The following MYO18B variants were observed in gnomAD, a reference collection of about 807,000 sequenced individuals.
MYO18B encodes the protein unconventional myosin-XVIIIb.
MYO18B carries 204 observed loss-of-function variants against 273.0 expected under a neutral mutation model. The ratio of observed to expected loss-of-function variants is 0.75; its 90% CI spans 0.67 to 0.84. MYO18B has a LOEUF of 0.84. Ranked by LOEUF, MYO18B falls within the 40% of genes least tolerant of loss-of-function variation. The pLI is 0.00. For synonymous variants in MYO18B, 1,330 were observed against 1,305.7 expected (o/e 1.02, Z -0.40); for missense variants, 3,212 against 3,287.6 (o/e 0.98, Z 0.56).
intron 17 of MYO18B, among the ~76,000 whole-genome samples, chr22:25,841,686 A>G (rs2090086063): frequency 6.6e-6 from 1 of 152,184 alleles, no homozygotes; most frequent in Non-Finnish European, 1.5e-5. Flanking sequence ...GGGGCTTAGC[A>G]AACATCAACA....
intron 1 of MYO18B, among the ~76,000 whole-genome samples, chr22:25,753,220 G>GA (rs148800649): frequency 0.31 from 47,721 of 152,026 alleles, 7,866 homozygotes; most frequent in South Asian, 0.42. Flanking sequence ...CTGGCCTCCC[G>GA]GTCGGCAGGG....
intron 33 of MYO18B, 35 bp downstream of exon 33, chr22:25,911,085 T>C (rs760058390): frequency 7.4e-6 from 11 of 1,486,532 alleles, no homozygotes; most frequent in Non-Finnish European, 1.0e-5. Flanking sequence ...TTCAGAGGAG[T>C]ATCTCAGGGA....
At chr22:25,839,020 CTGTG>C (rs761527755) in intron 17 of MYO18B, among the ~76,000 whole-genome samples, 5 of 147,510 alleles carry the variant, frequency 3.4e-5, no homozygotes, top group Non-Finnish European at 7.5e-5. Context: ...GTGTGTGCAC[CTGTG>C]TGTGTATGTA....
chr22:25,778,380 G>A (rs2145643360), intron 8 of MYO18B, among the ~76,000 whole-genome samples: 1 of 152,248 alleles, frequency 6.6e-6, no homozygotes, highest in South Asian at 2.1e-4. Context: ...CCTTAAAAAA[G>A]AGTACCAATT....
intron 12 of MYO18B, among the ~76,000 whole-genome samples, chr22:25,820,532 CT>C (rs1185212233): frequency 6.9e-6 from 1 of 144,864 alleles, no homozygotes; most frequent in Non-Finnish European, 1.5e-5. Flanking sequence ...AAAGAGAGAA[CT>C]TTTTTTAGTT....
intron 6 of MYO18B, among the ~76,000 whole-genome samples, chr22:25,771,421 T>C (rs1350214932): frequency 6.6e-6 from 1 of 152,260 alleles, no homozygotes; most frequent in Non-Finnish European, 1.5e-5. Flanking sequence ...TAATGGCCTA[T>C]ATTTTGGCAT....
At chr22:25,781,625 AG>A (rs201612933) in intron 9 of MYO18B, 108 bp from the exon 10 acceptor site, 141 of 475,888 alleles carry the variant, frequency 3.0e-4, no homozygotes, top group East Asian at 5.8e-4. Context: ...AAAAAAAAAA[AG>A]AGTGGATCAG....
At chr22:25,884,034 A>G (rs1028805943) in intron 25 of MYO18B, among the ~76,000 whole-genome samples, 2 of 152,144 alleles carry the variant, frequency 1.3e-5, no homozygotes, top group African/African-American at 4.8e-5. Flanking sequence ...TCTCTGGAAT[A>G]GGTTCTGGAT....
chr22:26,013,318 C>A (rs529229423), intron 42 of MYO18B, among the ~76,000 whole-genome samples: 5 of 152,240 alleles, frequency 3.3e-5, no homozygotes, highest in Middle Eastern at 6.8e-3. Context: ...AAATGTCTTA[C>A]AATGCACAGG....
At chr22:25,938,101 A>G (rs968983553) in intron 34 of MYO18B, among the ~76,000 whole-genome samples, 3 of 152,124 alleles carry the variant, frequency 2.0e-5, no homozygotes, top group African/African-American at 7.2e-5. Flanking sequence ...TTTGTGATGC[A>G]CTATTTTTAA....
At position 25,768,183 on chromosome 22, in the gene MYO18B, G is replaced by C; in HGVS notation, c.267G>C (p.Gln89His). 6.2e-7 allele frequency: 1 copy of C among 1,613,716 alleles called. No individual in the cohort carries two copies. The highest frequency in any genetic ancestry group is 8.5e-7 in the Non-Finnish European group (1 of 1,179,788). The change falls in exon 4 of 44, where the codon CAG (glutamine) becomes CAC (histidine). Residue 89 changes from glutamine (Q) to histidine (H), a missense_variant. Transcript: ENST00000335473. ...SSSGTRSGSQQISQDDQSSSP... is the reference protein window; with the variant it reads ...SSSGTRSGSQHISQDDQSSSP... ...GTGGCACCAGATCTGGAAGCCAGCA[G>C]ATCTCTCAGGACGACCAGTCAAGCT...
At chr22:25,779,169 C>T (rs1392959476) in intron 8 of MYO18B, among the ~76,000 whole-genome samples, 1 of 152,014 alleles carries the variant, frequency 6.6e-6, no homozygotes, top group East Asian at 1.9e-4. Context: ...AGTTTTTGCT[C>T]TTCTCAGGGG....
Position 25,957,736 on chromosome 22 carries a change from C to T in MYO18B, c.6156+2372C>T, listed in dbSNP as rs542152378. 3.2e-3 allele frequency among the ~76,000 whole-genome samples: 486 copies of T among 152,144 alleles called. 3 individuals carry two copies. Among genetic ancestry groups the T allele is most frequent in the Non-Finnish European group, 4.4e-3 (300 of 68,008 alleles). On this transcript the variant is annotated intron_variant, in intron 39 of 43. Coordinates refer to ENST00000335473, the MANE Select transcript of MYO18B (RefSeq NM_032608.7). ...ATGGCTCCAGGTGCTCCTTGGTTTG[C>T]GGCTGCCTCAGTGATGGCTTTCTTC...
chr22:25,811,772 T>G (rs1440835927), intron 12 of MYO18B, among the ~76,000 whole-genome samples: 2 of 152,200 alleles, frequency 1.3e-5, no homozygotes, highest in African/African-American at 4.8e-5. Flanking sequence ...TTCAGGTTGT[T>G]TCTTGCCATT....
intron 40 of MYO18B, among the ~76,000 whole-genome samples, chr22:25,998,816 GAGA>G (rs1226816455): frequency 1.3e-5 from 2 of 152,112 alleles, no homozygotes; most frequent in African/African-American, 2.4e-5. Context: ...CTATTAATCT[GAGA>G]AGGTTGATGC....
intron 42 of MYO18B, among the ~76,000 whole-genome samples, chr22:26,019,696 A>C (rs959827560): frequency 6.6e-6 from 1 of 152,146 alleles, no homozygotes; most frequent in Non-Finnish European, 1.5e-5. Context: ...GAACATCAAT[A>C]TGTTTTTAAT....
rs370106367 is a variant in MYO18B at position 25,823,588 on chromosome 22, G to T, written c.2605G>T (p.Ala869Ser). Reference sequence around the variant, plus strand: ...CTGCGAGTATGAGGAGCTGAACACGGCCACCTTCAAGCACCACCTTCGACA... The same window carrying T: ...CTGCGAGTATGAGGAGCTGAACACGTCCACCTTCAAGCACCACCTTCGACA... ...LGCEYEELNT[A>S]TFKHHLRQII... Residue 869 changes from alanine to serine, a missense_variant, in exon 13 of 44, where the codon GCC (alanine) becomes TCC (serine). Physicochemically the swap from Ala to Ser is moderately conservative, Grantham distance 99. Transcript: ENST00000335473. 2 of 1,613,844 alleles carry T rather than the reference G, an allele frequency of 1.2e-6. No homozygotes were observed. Among genetic ancestry groups the T allele is most frequent in the African/African-American group, 1.3e-5 (1 of 74,918 alleles).
Position 25,773,667 on chromosome 22 carries a change from G to C in MYO18B, c.1869+1157G>C, listed in dbSNP as rs1438500021. Reference sequence around the variant, plus strand: ...TTTAGTAGAGATGGGGTTTCACCGTGTTAGCCAGGATGGGCTCGATCTCCT... The same window carrying C: ...TTTAGTAGAGATGGGGTTTCACCGTCTTAGCCAGGATGGGCTCGATCTCCT... On this transcript the variant is annotated intron_variant, in intron 7 of 43. Coordinates refer to ENST00000335473, the MANE Select transcript of MYO18B (RefSeq NM_032608.7). Among the ~76,000 whole-genome samples, 4 of 152,158 alleles carry C rather than the reference G, an allele frequency of 2.6e-5. No homozygotes were observed. The East Asian group carries it at 7.7e-4, about 29-fold the overall frequency.
At chr22:25,943,595 T>C (rs577753299) in intron 34 of MYO18B, among the ~76,000 whole-genome samples, 121 of 152,216 alleles carry the variant, frequency 7.9e-4, no homozygotes, top group African/African-American at 2.8e-3. Flanking sequence ...GAGGTTTCTG[T>C]TCCTCAGCAC....
Sources: allele counts gnomAD v4.1 joint callset (sites outside exome capture counted in the v4.1 genomes callset), GRCh38; gene constraint gnomAD v4.1.1; transcripts MANE v1.5; gene names NCBI Gene and HGNC (gene_info 2026-07-23, HGNC 2026-07-21).